CEP192: variants seen among roughly 807,000 people sequenced by gnomAD.
The protein encoded by CEP192 is centrosomal protein of 192 kDa.
A neutral mutation model predicts 271.8 loss-of-function variants in CEP192; 151 were observed. That is an observed-to-expected ratio of 0.56 (90% CI 0.49 to 0.64). The LOEUF is 0.64. Among genes scored for constraint, CEP192 ranks in the 30% least tolerant of loss-of-function variants. The pLI is 0.00. For synonymous variants in CEP192, 995 were observed against 1,076.5 expected, an observed-to-expected ratio of 0.92 and a Z score of 1.48; for missense variants, 2,910 against 3,020.5, an observed-to-expected ratio of 0.96 and a Z score of 0.86.
intron 40 of CEP192, among the ~76,000 whole-genome samples, chr18:13,108,584 A>G (rs1458112745): frequency 6.6e-6 from 1 of 152,244 alleles, no homozygotes. Flanking sequence ...AAGAAATGCA[A>G]ATCAAAACCG....
At chr18:13,042,783 T>C (rs1475452208) in intron 15 of CEP192, among the ~76,000 whole-genome samples, 1 of 152,238 alleles carries the variant, frequency 6.6e-6, no homozygotes, top group Non-Finnish European at 1.5e-5. Context: ...TATAAACTTA[T>C]TTTTATTACT....
At chr18:12,999,340 GTT>G in intron 1 of CEP192, 79 bp from the exon 2 acceptor site, 1 of 1,120,566 alleles carries the variant, frequency 8.9e-7, no homozygotes, top group Non-Finnish European at 1.2e-6. Context: ...AGATTTATTA[GTT>G]TTCTAAGACA....
chr18:13,005,448 C>T (rs1028721470), intron 3 of CEP192, among the ~76,000 whole-genome samples: 4 of 152,088 alleles, frequency 2.6e-5, no homozygotes, highest in African/African-American at 7.2e-5. Context: ...GAAGTTAGTC[C>T]GACTCACCTG....
chr18:13,121,596 T>A (rs1436747896), intron 44 of CEP192, among the ~76,000 whole-genome samples: 2 of 152,262 alleles, frequency 1.3e-5, no homozygotes, highest in African/African-American at 4.8e-5. Context: ...TAAAGGTTCT[T>A]TTTTGAGGGT....
chr18:13,015,973 T>C (rs757416500), intron 6 of CEP192, among the ~76,000 whole-genome samples: 1 of 152,132 alleles, frequency 6.6e-6, no homozygotes, highest in Admixed American at 6.5e-5. Context: ...CTGGAACTCC[T>C]GACTTAAAGT....
intron 18 of CEP192, among the ~76,000 whole-genome samples, chr18:13,053,336 C>T (rs2036904433): frequency 6.6e-6 from 1 of 152,196 alleles, no homozygotes; most frequent in Admixed American, 6.5e-5. Context: ...TAATGAAGTG[C>T]ATCATGCTGC....
At chr18:13,067,332 G>C (rs1171417833) in intron 21 of CEP192, among the ~76,000 whole-genome samples, 3 of 152,148 alleles carry the variant, frequency 2.0e-5, no homozygotes, top group Admixed American at 1.3e-4. Flanking sequence ...ATTTCCACAT[G>C]TGGGTGTGTG....
At chr18:13,048,368 G>A (rs1266992736) in intron 15 of CEP192, among the ~76,000 whole-genome samples, 1 of 152,182 alleles carries the variant, frequency 6.6e-6, no homozygotes, top group African/African-American at 2.4e-5. Flanking sequence ...TAGGGATGTT[G>A]CAGTGCTTGT....
intron 15 of CEP192, 93 bp downstream of exon 15, chr18:13,042,427 G>T: frequency 2.3e-6 from 3 of 1,277,676 alleles, no homozygotes; most frequent in Non-Finnish European, 3.3e-6. Flanking sequence ...AATTTATGCC[G>T]TTTAACATCT....
At chr18:13,015,574 A>C in intron 6 of CEP192, 126 bp downstream of exon 6, 1 of 810,962 alleles carries the variant, frequency 1.2e-6, no homozygotes, top group Non-Finnish European at 2.0e-6. Flanking sequence ...CCTACCTGCC[A>C]GCACTCAAAT....
At position 13,056,358 on chromosome 18, in the gene CEP192, C is replaced by G. The variant is rs2037101064; in HGVS notation, c.3768C>G (p.Leu1256=). 6.2e-7 allele frequency: 1 copy of G among 1,614,242 alleles called. No homozygotes were observed. The highest frequency in any genetic ancestry group is 2.2e-5 in the East Asian group (1 of 44,890). ...ACGCACTCTTGACACAACCCTCTCT[C>G]AGCGCTGCTCCTTTTGCTCAGCGGT... ...AVHALLTQPS[L]SAAPFAQRYL... Residue 1256 remains leucine, a synonymous_variant, in exon 19 of 45, where the codon CTC becomes CTG. Coordinates refer to ENST00000506447, the MANE Select transcript of CEP192 (RefSeq NM_032142.4).
At position 13,045,974 on chromosome 18, in the gene CEP192, T is replaced by A. The variant is rs900395162; in HGVS notation, c.2068-2885T>A. ...TAGGGACATACTGTTGGATTTTGCT[T>A]TTCAACCAGTCTGACAGTCTGTATT... is the stretch of plus-strand genomic sequence containing the variant. On this transcript the variant is annotated intron_variant, in intron 15 of 44. Transcript: ENST00000506447. Among the ~76,000 whole-genome samples the A allele has an allele frequency of 2.0e-5, 3 of 152,338 alleles. 1 individual carries two copies. Among genetic ancestry groups the A allele is most frequent in the Middle Eastern group, 6.8e-3 (2 of 294 alleles).
chr18:13,006,558 A>G lies in CEP192; in HGVS notation c.291-1898A>G, dbSNP rs565691842. 7.9e-5 allele frequency among the ~76,000 whole-genome samples: 12 copies of G among 152,320 alleles called. No homozygotes were observed. In the South Asian group the frequency reaches 2.3e-3, roughly 29 times the overall value. The stretch of plus-strand genomic sequence containing the variant: ...CTGAAGATTCTGATTAGAAATTTTG[A>G]AAGTTCTGTAAACTGTTCCTTTTCT... On this transcript the variant is annotated intron_variant, in intron 3 of 44. Transcript: ENST00000506447.
Position 13,101,966 on chromosome 18 carries a change from G to A in CEP192, c.6871+1454G>A, listed in dbSNP as rs568271764. Among the ~76,000 whole-genome samples, 4 of 152,172 alleles carry A rather than the reference G, an allele frequency of 2.6e-5. No homozygotes were observed. The East Asian group carries it at 7.7e-4, about 29-fold the overall frequency. ...TCCTCTCCCTCTCTGTTCCTGCCTG[G>A]CAAGATCCCAACCCTGGCTTGTCCC... On this transcript the variant is annotated intron_variant, in intron 38 of 44. Transcript: ENST00000506447.
chr18:13,098,946 G>A (rs1445103590), intron 36 of CEP192, among the ~76,000 whole-genome samples: 1 of 152,230 alleles, frequency 6.6e-6, no homozygotes. Flanking sequence ...GGGAGGCTGA[G>A]GCTGGCAGAT....
intron 36 of CEP192, among the ~76,000 whole-genome samples, chr18:13,098,483 G>C (rs1366683768): frequency 6.6e-6 from 1 of 150,750 alleles, no homozygotes. Flanking sequence ...GGGCAGAGAC[G>C]CTCCTCACCT....
intron 3 of CEP192, among the ~76,000 whole-genome samples, chr18:13,005,005 G>A (rs1328867769): frequency 6.6e-6 from 1 of 152,152 alleles, no homozygotes; most frequent in Non-Finnish European, 1.5e-5. Context: ...GTGCAGGTGG[G>A]GTTAGCATCA....
Position 13,038,587 on chromosome 18 carries a change from T to C in CEP192, c.1809+8T>C. ...GGTAACAATGTGAAAAGAGTAAGTA[T>C]GGAATCTGTTGGAAGTGCTCACAGT... is the stretch of plus-strand genomic sequence containing the variant. On this transcript the variant is annotated splice_region_variant and intron_variant, in intron 13 of 44. Transcript: ENST00000506447. 6.5e-7 allele frequency: 1 copy of C among 1,543,338 alleles called. No homozygotes were observed. Among genetic ancestry groups the C allele is most frequent in the South Asian group, 1.2e-5 (1 of 83,888 alleles).
At chr18:13,018,990 A>T in intron 8 of CEP192, 92 bp from the exon 9 acceptor site, 1 of 1,236,396 alleles carries the variant, frequency 8.1e-7, no homozygotes, top group Non-Finnish European at 1.1e-6. Flanking sequence ...TATTAGGGTT[A>T]CATAAAATAA....
Sources: allele counts gnomAD v4.1 joint callset (sites outside exome capture counted in the v4.1 genomes callset), GRCh38; gene constraint gnomAD v4.1.1; transcripts MANE v1.5; gene names NCBI Gene and HGNC (gene_info 2026-07-23, HGNC 2026-07-21).